The following DOCK9 variants were observed in gnomAD, a reference collection of about 807,000 sequenced individuals.
DOCK9 encodes dedicator of cytokinesis 9.
A neutral mutation model predicts 263.3 loss-of-function variants in DOCK9; 89 were observed. That is an observed-to-expected ratio of 0.34 (90% CI 0.28 to 0.40). The LOEUF (loss-of-function observed/expected upper bound fraction) is 0.40, where lower values mean the gene tolerates loss of function less well. Among genes scored for constraint, DOCK9 ranks in the 10% least tolerant of loss-of-function variants. DOCK9 has a pLI of 1.00. For missense variants in DOCK9, 2,140 were observed against 2,603.4 expected (o/e 0.82, Z 3.87); for synonymous variants, 976 against 973.1 (o/e 1.00, Z -0.06).
intron 49 of DOCK9, among the ~76,000 whole-genome samples, chr13:98,804,064 G>A (rs976564445): frequency 6.6e-6 from 1 of 151,916 alleles, no homozygotes; most frequent in Admixed American, 6.6e-5. Flanking sequence ...TCTCCACAGC[G>A]CTCCTTCCGC....
At chr13:98,921,803 T>C (rs2052042266) in intron 6 of DOCK9, among the ~76,000 whole-genome samples, 1 of 152,160 alleles carries the variant, frequency 6.6e-6, no homozygotes, top group Non-Finnish European at 1.5e-5. Flanking sequence ...AAAGCCTATG[T>C]CAGTGTCTGC....
At position 99,029,805 on chromosome 13, in the gene DOCK9, C is replaced by T. The variant is rs550247385; in HGVS notation, c.129+56418G>A. Among the ~76,000 whole-genome samples the T allele has an allele frequency of 4.6e-5, 7 of 152,290 alleles. No individual in the cohort carries two copies. In the South Asian group the frequency reaches 1.5e-3, roughly 32 times the overall value. On this transcript the variant is annotated intron_variant, in intron 1 of 32. Coordinates refer to the DOCK9 transcript ENST00000427887. ...GGTATCCACCCAAGAAAAATGAAAACACATGTCCACACAAAGACTTGTATA... is the reference window on the plus strand; with the variant it reads ...GGTATCCACCCAAGAAAAATGAAAATACATGTCCACACAAAGACTTGTATA...
chr13:98,795,003 TG>T (rs2089187596), intron 52 of DOCK9, among the ~76,000 whole-genome samples: 1 of 152,232 alleles, frequency 6.6e-6, no homozygotes. Flanking sequence ...AAAGCCTGGC[TG>T]CTGGTTTACA....
chr13:99,007,177 C>T (rs1290469236), intron 1 of DOCK9, among the ~76,000 whole-genome samples: 1 of 151,970 alleles, frequency 6.6e-6, no homozygotes, highest in East Asian at 1.9e-4. Context: ...ATCACGAGGT[C>T]AGGAGATCAA....
At chr13:99,045,972 G>A (rs112393224) in intron 1 of DOCK9, among the ~76,000 whole-genome samples, 1 of 151,396 alleles carries the variant, frequency 6.6e-6, no homozygotes, top group Non-Finnish European at 1.5e-5. Flanking sequence ...TTGATGGCAC[G>A]TGCCTGTAGT....
intron 15 of DOCK9, among the ~76,000 whole-genome samples, chr13:98,895,328 A>G (rs561696152): frequency 6.6e-6 from 1 of 152,208 alleles, no homozygotes; most frequent in East Asian, 1.9e-4. Context: ...TAGCTACATA[A>G]GATAAACTAA....
chr13:99,004,313 G>A (rs889014296), intron 1 of DOCK9, among the ~76,000 whole-genome samples: 1 of 152,206 alleles, frequency 6.6e-6, no homozygotes, highest in Non-Finnish European at 1.5e-5. Context: ...GAGGTTGGGG[G>A]AGAACAAGGA....
intron 1 of DOCK9, among the ~76,000 whole-genome samples, chr13:98,961,445 C>T (rs983007221): frequency 2.0e-5 from 3 of 152,206 alleles, no homozygotes; most frequent in African/African-American, 7.2e-5. Flanking sequence ...TGACGGTCTA[C>T]AAAGAACGCA....
At chr13:98,885,475 C>T (rs765525452) in intron 20 of DOCK9, 32 of 519,708 alleles carry the variant, frequency 6.2e-5, no homozygotes, top group East Asian at 2.0e-4. Context: ...GGGTGTGGTG[C>T]GTGCCTGTAG....
At chr13:99,062,726 C>A (rs993695823) in intron 1 of DOCK9, among the ~76,000 whole-genome samples, 4 of 152,194 alleles carry the variant, frequency 2.6e-5, no homozygotes, top group African/African-American at 4.8e-5. Context: ...ATGGGTTACT[C>A]CTGCGAGGGA....
chr13:98,840,406 C>A (rs1421774577), intron 38 of DOCK9, among the ~76,000 whole-genome samples: 1 of 152,224 alleles, frequency 6.6e-6, no homozygotes, highest in Admixed American at 6.5e-5. Context: ...CTCTGACACA[C>A]ATGCCCCGGG....
intron 2 of DOCK9, among the ~76,000 whole-genome samples, chr13:98,940,588 G>A (rs779039386): frequency 4.6e-5 from 7 of 152,130 alleles, no homozygotes; most frequent in African/African-American, 1.7e-4. Flanking sequence ...TACGAGCAGA[G>A]AATTATACAT....
At chr13:98,883,183 G>A (rs1360997423) in intron 22 of DOCK9, 52 bp from the exon 23 acceptor site, 16 of 1,433,328 alleles carry the variant, frequency 1.1e-5, no homozygotes, top group Admixed American at 5.9e-5. Flanking sequence ...AATACACGCT[G>A]TGGAAATAGA....
intron 1 of DOCK9, among the ~76,000 whole-genome samples, chr13:98,970,443 C>T (rs969349897): frequency 1.3e-5 from 2 of 152,240 alleles, no homozygotes; most frequent in Non-Finnish European, 2.9e-5. Context: ...CTACCTCTGT[C>T]TGATATGCAA....
chr13:98,984,194 C>T (rs950178334), intron 1 of DOCK9, among the ~76,000 whole-genome samples: 3 of 152,158 alleles, frequency 2.0e-5, no homozygotes, highest in Non-Finnish European at 2.9e-5. Flanking sequence ...GCTAGAGAGC[C>T]AACCAAAGTT....
intron 2 of DOCK9, chr13:98,950,555 G>C (rs1037816250): frequency 1.2e-5 from 4 of 326,936 alleles, no homozygotes; most frequent in Admixed American, 4.7e-5. Flanking sequence ...CTCCCACCTT[G>C]GTCACCCAAA....
Position 98,921,093 on chromosome 13 carries a change from G to C in DOCK9, c.583-5C>G. The stretch of plus-strand genomic sequence containing the variant: ...GAAAAATCGTCTCTTAAATGACTGA[G>C]AGAAAAATATACACACAGCTATTCT... On this transcript the variant is annotated splice_polypyrimidine_tract_variant and splice_region_variant and intron_variant, in intron 6 of 52. Coordinates refer to ENST00000682017, the MANE Select transcript of DOCK9 (RefSeq NM_001366683.2). 4 of 1,594,852 alleles carry C rather than the reference G, an allele frequency of 2.5e-6. No individual in the cohort carries two copies. In the South Asian group the frequency reaches 4.6e-5, roughly 18 times the overall value.
At chr13:99,051,170 T>C (rs965622962) in intron 1 of DOCK9, among the ~76,000 whole-genome samples, 3 of 152,290 alleles carry the variant, frequency 2.0e-5, no homozygotes, top group Admixed American at 6.5e-5. Context: ...GGGGAGGTAA[T>C]AGTGGCCTTG....
intron 1 of DOCK9, among the ~76,000 whole-genome samples, chr13:99,036,454 C>A (rs1215482554): frequency 3.9e-5 from 6 of 152,178 alleles, no homozygotes; most frequent in Admixed American, 3.9e-4. Flanking sequence ...AGAACCCAAC[C>A]ATGCTGGCAC....
Sources: gnomAD v4.1 joint callset for allele counts (sites outside exome capture counted in the v4.1 genomes callset) on GRCh38, gnomAD v4.1.1 for gene constraint, MANE v1.5 for transcripts, NCBI Gene and HGNC (gene_info 2026-07-23, HGNC 2026-07-21) for gene names.